Variants in SAMTOR observed in about 807,000 individuals in gnomAD.
SAMTOR encodes the protein UPF0532 protein C7orf60.
chr7:112,895,771 T>C, the SAMTOR span: 4 of 1,440,596 alleles, frequency 2.8e-6, no homozygotes, highest in Non-Finnish European at 3.8e-6. Context: ...TATTTTAACA[T>C]ACTGTGTACG....
At chr7:112,891,678 A>C in the SAMTOR span, among the ~76,000 whole-genome samples, 1 of 152,212 alleles carries the variant, frequency 6.6e-6, no homozygotes, top group Non-Finnish European at 1.5e-5. Context: ...CAGTGCATAT[A>C]AGTTATGTTC....
the SAMTOR span, among the ~76,000 whole-genome samples, chr7:112,921,224 G>C: frequency 1.0e-3 from 154 of 152,250 alleles, no homozygotes; most frequent in African/African-American, 3.5e-3. Flanking sequence ...AACCAAAACA[G>C]CATGGTAATG....
the SAMTOR span, among the ~76,000 whole-genome samples, chr7:112,859,703 A>C: frequency 5.8e-3 from 884 of 152,300 alleles, 12 homozygotes; most frequent in African/African-American, 0.02. Flanking sequence ...AAAAAGTTTA[A>C]AAAGTAAAAA....
the SAMTOR span, among the ~76,000 whole-genome samples, chr7:112,921,239 CA>C: frequency 1.3e-5 from 2 of 152,052 alleles, no homozygotes; most frequent in African/African-American, 4.8e-5. Flanking sequence ...GTAATGGTAC[CA>C]AAACAGAGAT....
chr7:112,939,505 G>A, the SAMTOR span: 4 of 1,594,928 alleles, frequency 2.5e-6, no homozygotes, highest in East Asian at 2.2e-5. Flanking sequence ...CATTTTAATG[G>A]TGGCCTCTTT....
At chr7:112,878,224 G>T in the SAMTOR span, among the ~76,000 whole-genome samples, 1 of 152,230 alleles carries the variant, frequency 6.6e-6, no homozygotes, top group African/African-American at 2.4e-5. Context: ...GGCTTTAAAA[G>T]AAATTGCTAA....
chr7:112,903,475 T>C, the SAMTOR span, among the ~76,000 whole-genome samples: 2 of 152,034 alleles, frequency 1.3e-5, no homozygotes. Context: ...TAAAGGACAC[T>C]ATTGTGAAAA....
the SAMTOR span, among the ~76,000 whole-genome samples, chr7:112,907,834 C>CTTATTTAT: frequency 7.0e-4 from 84 of 119,876 alleles, no homozygotes; most frequent in African/African-American, 2.4e-3. Context: ...AATGGGTATT[C>CTTATTTAT]TTACTTACTT....
At chr7:112,906,442 T>C in the SAMTOR span, among the ~76,000 whole-genome samples, 2 of 151,964 alleles carry the variant, frequency 1.3e-5, no homozygotes, top group Non-Finnish European at 2.9e-5. Context: ...GCAATAAAAA[T>C]GACAAAATAC....
At chr7:112,827,963 C>T in the SAMTOR span, among the ~76,000 whole-genome samples, 3 of 152,164 alleles carry the variant, frequency 2.0e-5, no homozygotes, top group African/African-American at 7.2e-5. Flanking sequence ...AGTCCTTCTG[C>T]ATTGGCCTCC....
the SAMTOR span, among the ~76,000 whole-genome samples, chr7:112,876,392 C>A: frequency 1.3e-5 from 2 of 152,098 alleles, no homozygotes; most frequent in African/African-American, 4.8e-5. Flanking sequence ...TTCAATTTAT[C>A]CCAAACCATA....
chr7:112,932,072 C>T, the SAMTOR span, among the ~76,000 whole-genome samples: 4 of 151,982 alleles, frequency 2.6e-5, no homozygotes, highest in Admixed American at 6.6e-5. Flanking sequence ...ACTACAGGCA[C>T]ATGCCACCAC....
chr7:112,824,348 T>C, the SAMTOR span, among the ~76,000 whole-genome samples: 1 of 152,072 alleles, frequency 6.6e-6, no homozygotes, highest in South Asian at 2.1e-4. Context: ...CATTTTGAGT[T>C]TTTTTTGTTT....
chr7:112,902,780 T>G, the SAMTOR span, among the ~76,000 whole-genome samples: 1 of 152,160 alleles, frequency 6.6e-6, no homozygotes. Flanking sequence ...AATTTTATTG[T>G]GGGTTTCTGG....
chr7:112,869,698 G>A, the SAMTOR span, among the ~76,000 whole-genome samples: 1 of 152,106 alleles, frequency 6.6e-6, no homozygotes, highest in South Asian at 2.1e-4. Context: ...AGGATCACAT[G>A]AGCTCCCTAG....
At chr7:112,872,975 A>C in the SAMTOR span, among the ~76,000 whole-genome samples, 1 of 151,572 alleles carries the variant, frequency 6.6e-6, no homozygotes, top group Non-Finnish European at 1.5e-5. Context: ...ACCCACACAC[A>C]CACACAAATA....
the SAMTOR span, among the ~76,000 whole-genome samples, chr7:112,879,059 T>C: frequency 6.6e-6 from 1 of 151,468 alleles, no homozygotes; most frequent in Non-Finnish European, 1.5e-5. Context: ...TGTGTATGGA[T>C]TTAATTAGAA....
the SAMTOR span, among the ~76,000 whole-genome samples, chr7:112,862,351 A>G: frequency 2.6e-5 from 4 of 152,314 alleles, no homozygotes; most frequent in Admixed American, 6.5e-5. Flanking sequence ...TCAAACCTCA[A>G]TGTTGTCATC....
the SAMTOR span, among the ~76,000 whole-genome samples, chr7:112,830,686 T>C: frequency 1.3e-5 from 2 of 152,158 alleles, no homozygotes; most frequent in African/African-American, 4.8e-5. Flanking sequence ...AAAACGAAAG[T>C]AGAAATAACA....
Sources: allele counts gnomAD v4.1 joint callset (sites outside exome capture counted in the v4.1 genomes callset), GRCh38; gene constraint gnomAD v4.1.1; transcripts MANE v1.5; gene names NCBI Gene and HGNC (gene_info 2026-07-23, HGNC 2026-07-21).